GRAMD1C: variants seen among roughly 807,000 people sequenced by gnomAD.
GRAMD1C encodes GRAM domain containing 1C, also known as protein Aster-C.
A neutral mutation model predicts 97.8 loss-of-function variants in GRAMD1C; 89 were observed. The ratio of observed to expected loss-of-function variants is 0.91; its 90% CI spans 0.77 to 1.09. The LOEUF (loss-of-function observed/expected upper bound fraction) is 1.09, where lower values mean the gene tolerates loss of function less well. Ranked by LOEUF, GRAMD1C falls within the 50% of genes least tolerant of loss-of-function variation. The pLI, the probability that GRAMD1C is intolerant of heterozygous loss-of-function variation, is 0.00. For missense variants in GRAMD1C, 740 were observed against 766.4 expected (o/e 0.97, Z 0.41); for synonymous variants, 256 against 267.0 (o/e 0.96, Z 0.40).
intron 6 of GRAMD1C, among the ~76,000 whole-genome samples, chr3:113,900,060 C>T (rs1936103802): frequency 6.6e-6 from 1 of 151,988 alleles, no homozygotes; most frequent in South Asian, 2.1e-4. Flanking sequence ...GATTGCAGAA[C>T]TAAACTGAAG....
At chr3:113,875,713 G>A in intron 4 of GRAMD1C, 126 bp downstream of exon 4, 1 of 552,842 alleles carries the variant, frequency 1.8e-6, no homozygotes, top group Non-Finnish European at 3.1e-6. Context: ...CTAAATTAGT[G>A]TGCATGTAAA....
chr3:113,890,855 C>T lies in GRAMD1C; in HGVS notation c.540+8023C>T. On this transcript the variant is annotated intron_variant, in intron 6 of 17. Transcript: ENST00000358160. ...GCCAAGGGAGAAACTAAGTTCTTCA[C>T]TTTAATGAAGAAGAAAGCTCTCTGA... 3 of 594,708 alleles carry T rather than the reference C, an allele frequency of 5.0e-6. No homozygotes were observed. In the South Asian group the frequency reaches 6.5e-5, roughly 13 times the overall value. The allele number at this position is 594,708 out of a possible 1,614,324, so 36.8% of individuals were successfully genotyped here.
intron 10 of GRAMD1C, among the ~76,000 whole-genome samples, chr3:113,925,227 C>T (rs542551720): frequency 3.5e-4 from 53 of 152,258 alleles, no homozygotes; most frequent in African/African-American, 9.1e-4. Flanking sequence ...CGGGGGCTCA[C>T]GCCTGTAATC....
At chr3:113,832,303 C>T (rs1024712353) in intron 1 of GRAMD1C, among the ~76,000 whole-genome samples, 2 of 152,188 alleles carry the variant, frequency 1.3e-5, no homozygotes, top group Non-Finnish European at 2.9e-5. Context: ...GCTGGGATTA[C>T]AGGCATGAGC....
rs189589455 is a variant in GRAMD1C, at chr3:113,856,140, G to A, written c.174+11491G>A. 4.0e-3 allele frequency among the ~76,000 whole-genome samples: 605 copies of A among 152,038 alleles called. 8 individuals carry two copies. Among genetic ancestry groups the A allele is most frequent in the South Asian group, 0.031 (147 of 4,808 alleles). On this transcript the variant is annotated intron_variant, in intron 2 of 17. Coordinates refer to ENST00000358160, the MANE Select transcript of GRAMD1C (RefSeq NM_017577.5). ...TGACTTCAAGTGATCTGCCCACCTC[G>A]GCCTCCCAAAGTGCTAGGATTACAG... is the stretch of plus-strand genomic sequence containing the variant.
chr3:113,839,090 A>G (rs73858326), intron 1 of GRAMD1C, among the ~76,000 whole-genome samples, 154 bp downstream of exon 1: 6,641 of 152,228 alleles, frequency 0.044, 422 homozygotes, highest in African/African-American at 0.13. Context: ...GTTACCGAGG[A>G]AACGGTTTCC....
At chr3:113,876,037 A>C in intron 4 of GRAMD1C, 128 bp from the exon 5 acceptor site, 1 of 600,832 alleles carries the variant, frequency 1.7e-6, no homozygotes, top group African/African-American at 1.9e-5. Flanking sequence ...TAACTCCTTC[A>C]AGTCGAAAAA....
intron 2 of GRAMD1C, among the ~76,000 whole-genome samples, chr3:113,857,536 T>C (rs984043635): frequency 2.0e-5 from 3 of 151,970 alleles, no homozygotes; most frequent in Admixed American, 6.6e-5. Flanking sequence ...CCACCACGCC[T>C]GGCTAATTTT....
intron 11 of GRAMD1C, among the ~76,000 whole-genome samples, chr3:113,933,180 T>A (rs7619702): frequency 6.6e-6 from 1 of 152,068 alleles, no homozygotes; most frequent in Non-Finnish European, 1.5e-5. Context: ...CCACTGCGTC[T>A]GGCCTAATTT....
intron 6 of GRAMD1C, among the ~76,000 whole-genome samples, chr3:113,900,482 A>G (rs1936125262): frequency 6.7e-6 from 1 of 148,704 alleles, no homozygotes; most frequent in African/African-American, 2.5e-5. Flanking sequence ...GTGCAGTGGC[A>G]CAATCTTGGC....
intron 14 of GRAMD1C, among the ~76,000 whole-genome samples, chr3:113,937,727 G>A (rs1356957185): frequency 6.6e-6 from 1 of 152,182 alleles, no homozygotes; most frequent in Non-Finnish European, 1.5e-5. Context: ...GTTGAGGGCT[G>A]GGTGCGGTGG....
intron 2 of GRAMD1C, among the ~76,000 whole-genome samples, chr3:113,851,295 C>T (rs1324009168): frequency 1.3e-5 from 2 of 151,700 alleles, no homozygotes; most frequent in African/African-American, 4.8e-5. Context: ...TTCCTCAGGT[C>T]TTTGATTTAG....
chr3:113,870,349 G>C (rs895156707), intron 3 of GRAMD1C, among the ~76,000 whole-genome samples: 2 of 150,888 alleles, frequency 1.3e-5, no homozygotes, highest in South Asian at 2.1e-4. Flanking sequence ...GCAACAGAGT[G>C]AGACCCTGAC....
rs563642147 is a variant in GRAMD1C, at chr3:113,885,239, G to C, written c.540+2407G>C. On this transcript the variant is annotated intron_variant, in intron 6 of 17. Coordinates refer to ENST00000358160, the MANE Select transcript of GRAMD1C (RefSeq NM_017577.5). The stretch of plus-strand genomic sequence containing the variant: ...TCCCTTCGGCGGGGGTTGCCCCCGG[G>C]GGGCTGGCGGAGCTGGGCCGTGGGG... 9 of 1,035,934 alleles carry C rather than the reference G, an allele frequency of 8.7e-6. No individual in the cohort carries two copies. The African/African-American group carries it at 1.4e-4, about 16-fold the overall frequency. 64.2% of individuals were successfully genotyped at this position (1,035,934 alleles called of 1,614,324 possible). A position where few individuals can be genotyped will look rare whatever the true frequency, so the allele number is the denominator to read the frequency against.
chr3:113,873,092 CA>C lies in GRAMD1C; in HGVS notation c.260-2374del, dbSNP rs576155098. Among the ~76,000 whole-genome samples the C allele has an allele frequency of 2.0e-4, 7 of 35,750 alleles. No homozygotes were observed. In the Admixed American group the frequency reaches 2.1e-3, roughly 10 times the overall value. The allele number at this position is 35,750 out of a possible 152,430, so 23.5% of individuals were successfully genotyped here. On this transcript the variant is annotated intron_variant, in intron 3 of 17. Transcript: ENST00000358160. The stretch of plus-strand genomic sequence containing the variant: ...TGGGCGACAGAGCAAGACTCCATCT[CA>C]AAAAAAAAAAAAAAAAATTAGCCGG...
At chr3:113,908,175 A>G (rs1282007188) in intron 8 of GRAMD1C, among the ~76,000 whole-genome samples, 1 of 152,216 alleles carries the variant, frequency 6.6e-6, no homozygotes, top group South Asian at 2.1e-4. Context: ...ACATACAGAA[A>G]ATGCAAGAAA....
intron 13 of GRAMD1C, among the ~76,000 whole-genome samples, chr3:113,934,856 G>T (rs1415066908): frequency 2.0e-5 from 3 of 152,062 alleles, no homozygotes; most frequent in African/African-American, 4.8e-5. Flanking sequence ...CAATTTTCCT[G>T]CCTCAGCTTC....
At chr3:113,857,018 T>C (rs1934158998) in intron 2 of GRAMD1C, among the ~76,000 whole-genome samples, 1 of 152,030 alleles carries the variant, frequency 6.6e-6, no homozygotes, top group Admixed American at 6.6e-5. Flanking sequence ...TTTGTATTTT[T>C]AGTAGAGATG....
intron 3 of GRAMD1C, among the ~76,000 whole-genome samples, chr3:113,871,813 C>A (rs1577146955): frequency 6.8e-6 from 1 of 147,206 alleles, no homozygotes; most frequent in African/African-American, 2.5e-5. Context: ...TGGTGGCATG[C>A]ACCTGTAGTC....
Sources: allele counts gnomAD v4.1 joint callset (sites outside exome capture counted in the v4.1 genomes callset), GRCh38; gene constraint gnomAD v4.1.1; transcripts MANE v1.5; gene names NCBI Gene and HGNC (gene_info 2026-07-23, HGNC 2026-07-21).